Variants in ZNF521 observed in about 807,000 individuals in gnomAD.
The protein encoded by ZNF521 is zinc finger protein 521.
In ZNF521, 14 loss-of-function variants were observed where a neutral mutation model predicts 105.5. The ratio of observed to expected loss-of-function variants is 0.13; its 90% CI spans 0.09 to 0.21. ZNF521 has a LOEUF of 0.21. ZNF521 is among the 10% of genes least tolerant of loss of function. The pLI is 1.00. For missense variants in ZNF521, 1,233 were observed against 1,629.7 expected, an observed-to-expected ratio of 0.76 and a Z score of 4.19; for synonymous variants, 635 against 606.0, an observed-to-expected ratio of 1.05 and a Z score of -0.70.
At chr18:25,234,214 T>C (rs749349505) in intron 3 of ZNF521, among the ~76,000 whole-genome samples, 1 of 152,250 alleles carries the variant, frequency 6.6e-6, no homozygotes, top group Non-Finnish European at 1.5e-5. Context: ...TTGGCAACTG[T>C]GTATTACACA....
At chr18:25,221,345 A>G (rs531738452) in intron 4 of ZNF521, among the ~76,000 whole-genome samples, 1 of 152,280 alleles carries the variant, frequency 6.6e-6, no homozygotes, top group South Asian at 2.1e-4. Context: ...TATCCTCCCC[A>G]GATTTATATT....
intron 3 of ZNF521, among the ~76,000 whole-genome samples, chr18:25,284,676 T>C (rs1910584370): frequency 6.6e-6 from 1 of 151,634 alleles, no homozygotes; most frequent in South Asian, 2.1e-4. Flanking sequence ...GTACAAAGCA[T>C]GACAGGCAGA....
At chr18:25,091,865 A>G in intron 6 of ZNF521, 85 bp downstream of exon 6, 1 of 1,525,826 alleles carries the variant, frequency 6.6e-7, no homozygotes, top group Non-Finnish European at 8.8e-7. Flanking sequence ...GTAAAAGGCC[A>G]TAGCAGTGGG....
Position 25,246,241 on chromosome 18 carries a change from TA to T in ZNF521, c.221-18545del, listed in dbSNP as rs201637663. Among the ~76,000 whole-genome samples, 410 of 150,256 alleles carry T rather than the reference TA, an allele frequency of 2.7e-3. 3 individuals carry two copies. Among genetic ancestry groups the T allele is most frequent in the African/African-American group, 9.1e-3 (372 of 40,962 alleles). On this transcript the variant is annotated intron_variant, in intron 3 of 7. Coordinates refer to ENST00000361524, the MANE Select transcript of ZNF521 (RefSeq NM_015461.3). ...AAGTATAATAAATAAATAAATAAAG[TA>T]AAAAAAAAGAAAGTCTTATGATCTT...
intron 7 of ZNF521, among the ~76,000 whole-genome samples, chr18:25,084,148 T>C (rs976054989): frequency 6.6e-6 from 1 of 151,914 alleles, no homozygotes; most frequent in African/African-American, 2.4e-5. Flanking sequence ...GTATGTAATA[T>C]AGCAGTTGTA....
At chr18:25,216,623 A>C (rs1905341204) in intron 4 of ZNF521, among the ~76,000 whole-genome samples, 1 of 152,170 alleles carries the variant, frequency 6.6e-6, no homozygotes, top group Admixed American at 6.5e-5. Context: ...CAACGATGCT[A>C]TCACTGCTCA....
At chr18:25,134,209 G>A (rs561861836) in intron 5 of ZNF521, among the ~76,000 whole-genome samples, 22 of 152,248 alleles carry the variant, frequency 1.4e-4, no homozygotes, top group African/African-American at 5.3e-4. Flanking sequence ...AAGTCATCAG[G>A]CTTCCTAAAG....
chr18:25,307,824 G>T (rs1912064883), intron 3 of ZNF521, among the ~76,000 whole-genome samples: 1 of 152,078 alleles, frequency 6.6e-6, no homozygotes, highest in African/African-American at 2.4e-5. Flanking sequence ...CAATTACCAT[G>T]TCAAGAGCTA....
chr18:25,193,332 A>C (rs1365465283), intron 5 of ZNF521, among the ~76,000 whole-genome samples: 1 of 152,096 alleles, frequency 6.6e-6, no homozygotes, highest in Non-Finnish European at 1.5e-5. Flanking sequence ...TGTGGTGAAA[A>C]TATATTCAAC....
At chr18:25,211,635 T>G (rs2036181072) in intron 4 of ZNF521, among the ~76,000 whole-genome samples, 1 of 152,208 alleles carries the variant, frequency 6.6e-6, no homozygotes. Context: ...TGGAAACTAT[T>G]CATTTTTCTA....
intron 5 of ZNF521, among the ~76,000 whole-genome samples, chr18:25,170,442 C>T (rs533205075): frequency 6.2e-4 from 95 of 152,220 alleles, no homozygotes; most frequent in Non-Finnish European, 8.4e-4. Context: ...TAGAGCCAGA[C>T]TGCAAAGTAA....
At chr18:25,141,236 C>T (rs1380102756) in intron 5 of ZNF521, among the ~76,000 whole-genome samples, 1 of 152,070 alleles carries the variant, frequency 6.6e-6, no homozygotes, top group East Asian at 1.9e-4. Flanking sequence ...GTTCTCAGCA[C>T]CCTCTGAGTA....
chr18:25,276,632 C>T (rs1910049327), intron 3 of ZNF521, among the ~76,000 whole-genome samples: 1 of 152,182 alleles, frequency 6.6e-6, no homozygotes, highest in Non-Finnish European at 1.5e-5. Flanking sequence ...CTGCCTAATT[C>T]AAGGAAAACA....
chr18:25,224,629 C>T lies in ZNF521; in HGVS notation c.3289G>A (p.Val1097Met), dbSNP rs769569332. Reference protein sequence around the residue: ...GLPYGLCAGCVNLSKSASPGI... With the variant: ...GLPYGLCAGCMNLSKSASPGI... ...GGGCTGGCGCTCTTACTGAGATTCA[C>T]GCAGCCGGCACACAGACCATATGGC... The change falls in exon 4 of 8, where the codon GTG (valine) becomes ATG (methionine). Residue 1097 changes from valine (V) to methionine (M), a missense_variant. Physicochemically the swap from Val to Met is conservative, Grantham distance 21. This residue lies in a region of ZNF521 where 614 missense variants were observed against 751.5 expected (regional missense o/e 0.82). Transcript: ENST00000361524. 1.2e-5 allele frequency: 20 copies of T among 1,613,936 alleles called. No homozygotes were observed. The highest frequency in any genetic ancestry group is 3.3e-5 in the South Asian group (3 of 91,072).
intron 5 of ZNF521, among the ~76,000 whole-genome samples, chr18:25,137,792 TC>T (rs889889076): frequency 6.6e-6 from 1 of 152,068 alleles, no homozygotes; most frequent in Admixed American, 6.6e-5. Flanking sequence ...AGGAACCAAG[TC>T]CCAGAGAAAA....
At chr18:25,116,891 ATATATATATGTG>A (rs2034319592) in intron 5 of ZNF521, among the ~76,000 whole-genome samples, 1 of 51,396 alleles carries the variant, frequency 1.9e-5, no homozygotes, top group Non-Finnish European at 6.6e-5. Context: ...ATATATACGT[ATATATATATGTG>A]TATATATACG....
intron 4 of ZNF521, among the ~76,000 whole-genome samples, chr18:25,212,736 T>C (rs989490040): frequency 3.3e-5 from 5 of 150,928 alleles, no homozygotes; most frequent in African/African-American, 9.7e-5. Context: ...ATTTCAGTAA[T>C]GTTTTATCAT....
chr18:25,087,860 C>T (rs2033656989), intron 7 of ZNF521, among the ~76,000 whole-genome samples: 1 of 151,962 alleles, frequency 6.6e-6, no homozygotes, highest in African/African-American at 2.4e-5. Context: ...TAAATGGGCT[C>T]AAGCATTCTT....
chr18:25,311,697 G>A (rs1912318561), intron 3 of ZNF521, among the ~76,000 whole-genome samples: 2 of 152,118 alleles, frequency 1.3e-5, no homozygotes, highest in African/African-American at 2.4e-5. Flanking sequence ...AAGGACATGG[G>A]AGAAATTCTT....
Sources: allele counts gnomAD v4.1 joint callset (sites outside exome capture counted in the v4.1 genomes callset), GRCh38; gene constraint gnomAD v4.1.1; regional missense constraint gnomAD v4.1.1; transcripts MANE v1.5; gene names NCBI Gene and HGNC (gene_info 2026-07-23, HGNC 2026-07-21).